Variants in IFT88 observed in about 807,000 individuals in gnomAD.
IFT88 encodes intraflagellar transport 88, also known as intraflagellar transport protein 88 homolog.
In IFT88, 74 loss-of-function variants were observed where a neutral mutation model predicts 119.5. The observed-to-expected ratio is 0.62, with a 90% CI of 0.51 to 0.75. The LOEUF (loss-of-function observed/expected upper bound fraction) is 0.75, where lower values mean the gene tolerates loss of function less well. Ranked by LOEUF, IFT88 falls within the 30% of genes least tolerant of loss-of-function variation. IFT88 has a pLI of 0.00. For synonymous variants in IFT88, 279 were observed against 316.7 expected, an observed-to-expected ratio of 0.88 and a Z score of 1.26; for missense variants, 961 against 977.7, an observed-to-expected ratio of 0.98 and a Z score of 0.23.
intron 11 of IFT88, among the ~76,000 whole-genome samples, chr13:20,600,161 C>T (rs184899133): frequency 2.6e-5 from 4 of 152,048 alleles, no homozygotes; most frequent in South Asian, 2.1e-4. Flanking sequence ...TAAGATCATT[C>T]GTTTTTGAAT....
intron 1 of IFT88, among the ~76,000 whole-genome samples, chr13:20,570,617 C>T (rs1200803703): frequency 3.3e-5 from 5 of 152,130 alleles, no homozygotes; most frequent in Non-Finnish European, 7.3e-5. Flanking sequence ...CAAAAGGCTA[C>T]ATATTGTGTA....
Position 20,580,038 on chromosome 13 carries a change from T to C in IFT88, c.91-2919T>C, listed in dbSNP as rs544243799. Among the ~76,000 whole-genome samples, 11 of 152,330 alleles carry C rather than the reference T, an allele frequency of 7.2e-5. No homozygotes were observed. In the South Asian group the frequency reaches 2.3e-3, roughly 32 times the overall value. ...ACTACTGTCAACATTTTAAACATTT[T>C]TGTGCTTTGTCTTTCCTTCATGTAT... On this transcript the variant is annotated intron_variant, in intron 2 of 25. Transcript: ENST00000351808.
At chr13:20,598,538 A>G in intron 9 of IFT88, 113 bp from the exon 10 acceptor site, 2 of 550,032 alleles carry the variant, frequency 3.6e-6, no homozygotes, top group Non-Finnish European at 3.3e-6. Flanking sequence ...TTGGCTGAGT[A>G]TCTTGATATA....
intron 13 of IFT88, among the ~76,000 whole-genome samples, chr13:20,615,023 G>C (rs745697269): frequency 7.2e-5 from 11 of 152,096 alleles, no homozygotes; most frequent in Non-Finnish European, 1.3e-4. Flanking sequence ...CACCATGTTA[G>C]CCAGGATGGT....
chr13:20,662,890 C>T (rs1328228610), intron 22 of IFT88, among the ~76,000 whole-genome samples: 1 of 152,116 alleles, frequency 6.6e-6, no homozygotes, highest in Admixed American at 6.6e-5. Context: ...AATATGTCAT[C>T]TGGTGATATG....
At chr13:20,582,077 A>G (rs74038928) in intron 2 of IFT88, among the ~76,000 whole-genome samples, 7,986 of 151,900 alleles carry the variant, frequency 0.053, 289 homozygotes, top group African/African-American at 0.09. Flanking sequence ...GTAGATTGAA[A>G]TAAATCAGAG....
At chr13:20,598,520 T>C in intron 9 of IFT88, 131 bp from the exon 10 acceptor site, 1 of 510,718 alleles carries the variant, frequency 2.0e-6, no homozygotes, top group Non-Finnish European at 3.5e-6. Context: ...GTTTACTTAA[T>C]TTCATAATTG....
intron 14 of IFT88, among the ~76,000 whole-genome samples, chr13:20,622,615 T>C (rs2046718772): frequency 6.6e-6 from 1 of 152,240 alleles, no homozygotes; most frequent in African/African-American, 2.4e-5. Context: ...TTATTAGCTA[T>C]TTGTATACCT....
At chr13:20,585,246 A>G (rs1393002045) in intron 3 of IFT88, among the ~76,000 whole-genome samples, 1 of 152,200 alleles carries the variant, frequency 6.6e-6, no homozygotes, top group Non-Finnish European at 1.5e-5. Flanking sequence ...CTGCAAGTTC[A>G]TGGTTCCCAG....
chr13:20,667,130 A>G (rs73433369), intron 23 of IFT88, among the ~76,000 whole-genome samples: 4,760 of 152,210 alleles, frequency 0.031, 252 homozygotes, highest in African/African-American at 0.11. Context: ...CATTTATGTC[A>G]ATCATTGTTT....
At position 20,596,157 on chromosome 13, in the gene IFT88, G is replaced by GA. The variant is rs2041609550; in HGVS notation, c.412dup (p.Ile138AsnfsTer10). On this transcript the variant is annotated frameshift_variant, in exon 8 of 26. Transcript: ENST00000351808. LOFTEE classifies it high-confidence loss of function. Reference sequence around the variant, plus strand: ...TGCTTTTGTCTTTAATAGCCCAGAGGAAAAAATAAAGCAATTAGAGAAGGA... The same window carrying GA: ...TGCTTTTGTCTTTAATAGCCCAGAGGAAAAAAATAAAGCAATTAGAGAAGGA... 1 of 1,484,260 alleles carries GA rather than the reference G, an allele frequency of 6.7e-7. No homozygotes were observed. The highest frequency in any genetic ancestry group is 9.1e-7 in the Non-Finnish European group (1 of 1,093,978). 91.9% of individuals were successfully genotyped at this position (1,484,260 alleles called of 1,614,324 possible).
At chr13:20,632,195 G>A (rs890942815) in intron 16 of IFT88, 11 of 150,948 alleles carry the variant, frequency 7.3e-5, no homozygotes, top group East Asian at 1.9e-4. Context: ...GAACCCATAC[G>A]ATTTTAAGGG....
At chr13:20,606,754 A>G (rs2043547538) in intron 13 of IFT88, among the ~76,000 whole-genome samples, 1 of 152,048 alleles carries the variant, frequency 6.6e-6, no homozygotes, top group African/African-American at 2.4e-5. Flanking sequence ...TGGCATGTGC[A>G]TGTAGTCCCA....
chr13:20,572,606 C>T (rs942051021), intron 1 of IFT88, among the ~76,000 whole-genome samples: 1 of 152,142 alleles, frequency 6.6e-6, no homozygotes, highest in Non-Finnish European at 1.5e-5. Flanking sequence ...TTATATAGTT[C>T]AATATTTGTT....
chr13:20,655,727 C>G (rs2052659837), intron 21 of IFT88, among the ~76,000 whole-genome samples: 1 of 152,056 alleles, frequency 6.6e-6, no homozygotes, highest in Non-Finnish European at 1.5e-5. Flanking sequence ...CTCCTGGCCT[C>G]AAGTGGTCCA....
At position 20,605,868 on chromosome 13, in the gene IFT88, G is replaced by A. The variant is rs148103102; in HGVS notation, c.1112+763G>A. On this transcript the variant is annotated intron_variant, in intron 13 of 25. Transcript: ENST00000351808. ...GGATACAACTCAGAGACAACCAAATGGAAGAGCTGCATAGGGCAGAATATG... is the reference window on the plus strand; with the variant it reads ...GGATACAACTCAGAGACAACCAAATAGAAGAGCTGCATAGGGCAGAATATG... Among the ~76,000 whole-genome samples, 1,484 of 152,258 alleles carry A rather than the reference G, an allele frequency of 9.7e-3. 25 individuals carry two copies. The highest frequency in any genetic ancestry group is 0.034 in the African/African-American group (1,393 of 41,546).
intron 15 of IFT88, among the ~76,000 whole-genome samples, chr13:20,629,735 A>G (rs563515280): frequency 2.0e-5 from 3 of 152,296 alleles, no homozygotes; most frequent in African/African-American, 7.2e-5. Context: ...ATTTGCAACA[A>G]CTGTAGCTGA....
At chr13:20,605,175 A>T in intron 13 of IFT88, 70 bp downstream of exon 13, 1 of 586,424 alleles carries the variant, frequency 1.7e-6, no homozygotes. Context: ...TAGTATTAAG[A>T]TACTTAATAT....
intron 7 of IFT88, 75 bp downstream of exon 7, chr13:20,592,479 T>C (rs939518229): frequency 8.2e-7 from 1 of 1,218,788 alleles, no homozygotes; most frequent in Admixed American, 2.3e-5. Context: ...ATACACAATT[T>C]TTTTTTTTGA....
Sources: gnomAD v4.1 joint callset for allele counts (sites outside exome capture counted in the v4.1 genomes callset) on GRCh38, gnomAD v4.1.1 for gene constraint, MANE v1.5 for transcripts, NCBI Gene and HGNC (gene_info 2026-07-23, HGNC 2026-07-21) for gene names.